AGBL1: variants seen among roughly 807,000 people sequenced by gnomAD.
The protein encoded by AGBL1 is AGBL carboxypeptidase 1.
Under a neutral mutation model 118.9 loss-of-function variants are expected in AGBL1, and 130 were observed. The ratio of observed to expected loss-of-function variants is 1.09; its 90% CI spans 0.95 to 1.26. The LOEUF (loss-of-function observed/expected upper bound fraction) is 1.26, where lower values mean the gene tolerates loss of function less well. Ranked by LOEUF, AGBL1 falls within the 50% of genes most tolerant of loss-of-function variation. The probability of loss-of-function intolerance (pLI) is 0.00; values close to 1 mark genes in which losing one functional copy is unlikely to be tolerated. For synonymous variants in AGBL1, 555 were observed against 478.9 expected, an observed-to-expected ratio of 1.16 and a Z score of -2.08; for missense variants, 1,584 against 1,298.1, an observed-to-expected ratio of 1.22 and a Z score of -3.38.
chr15:86,155,733 TG>T (rs2037302126), intron 4 of AGBL1, among the ~76,000 whole-genome samples: 1 of 152,052 alleles, frequency 6.6e-6, no homozygotes, highest in African/African-American at 2.4e-5. Context: ...AGTTTGACTG[TG>T]GTTCTTTTTT....
At chr15:86,203,292 T>A (rs2077937142) in intron 5 of AGBL1, among the ~76,000 whole-genome samples, 1 of 152,174 alleles carries the variant, frequency 6.6e-6, no homozygotes, top group Non-Finnish European at 1.5e-5. Flanking sequence ...ATAGCAATTT[T>A]AAAATGTTAT....
chr15:86,843,448 C>A (rs1481351370), intron 22 of AGBL1, among the ~76,000 whole-genome samples: 1 of 151,872 alleles, frequency 6.6e-6, no homozygotes, highest in African/African-American at 2.4e-5. Context: ...TGGATTTTAA[C>A]ATAACCTTTG....
intron 23 of AGBL1, among the ~76,000 whole-genome samples, chr15:86,947,970 C>G (rs950491743): frequency 6.6e-6 from 1 of 152,116 alleles, no homozygotes; most frequent in Non-Finnish European, 1.5e-5. Flanking sequence ...TTCTCTACAT[C>G]ATCAAATAAT....
At chr15:86,789,326 A>G (rs2078458932) in intron 22 of AGBL1, among the ~76,000 whole-genome samples, 1 of 152,208 alleles carries the variant, frequency 6.6e-6, no homozygotes, top group South Asian at 2.1e-4. Flanking sequence ...TCGGATTATC[A>G]ATTGGAGTTA....
intron 22 of AGBL1, among the ~76,000 whole-genome samples, chr15:86,776,663 G>C (rs2078259323): frequency 6.8e-6 from 1 of 146,404 alleles, no homozygotes; most frequent in Non-Finnish European, 1.5e-5. Context: ...TTTTGCTGTT[G>C]TTTTGTTTTG....
intron 16 of AGBL1, among the ~76,000 whole-genome samples, chr15:86,280,690 G>T (rs2079338090): frequency 1.3e-5 from 2 of 152,188 alleles, no homozygotes; most frequent in African/African-American, 4.8e-5. Flanking sequence ...TTAAGGCTGT[G>T]ATAAGGACTT....
At chr15:86,321,542 G>T (rs1207887212) in intron 17 of AGBL1, among the ~76,000 whole-genome samples, 2 of 151,952 alleles carry the variant, frequency 1.3e-5, no homozygotes, top group African/African-American at 4.8e-5. Context: ...GCTGAGGCAG[G>T]TGGATCACCA....
intron 17 of AGBL1, among the ~76,000 whole-genome samples, chr15:86,387,111 G>C (rs539520400): frequency 6.6e-6 from 1 of 152,268 alleles, no homozygotes; most frequent in South Asian, 2.1e-4. Context: ...AGGGTCACAT[G>C]GTGAGTTGTA....
chr15:86,313,108 G>A (rs2079944740), intron 17 of AGBL1, among the ~76,000 whole-genome samples: 1 of 152,178 alleles, frequency 6.6e-6, no homozygotes, highest in Non-Finnish European at 1.5e-5. Context: ...GCAGATGGAA[G>A]CTTAATTTGA....
chr15:86,446,197 A>G (rs1454393611), intron 18 of AGBL1, among the ~76,000 whole-genome samples: 1 of 152,172 alleles, frequency 6.6e-6, no homozygotes, highest in East Asian at 1.9e-4. Context: ...TGTCCCTCAC[A>G]TCTCTCTTCC....
chr15:86,081,082 C>T (rs557260016), intron 1 of AGBL1, among the ~76,000 whole-genome samples: 11 of 152,260 alleles, frequency 7.2e-5, no homozygotes, highest in South Asian at 4.1e-4. Context: ...CTCACTCTGT[C>T]GCCCAGGCTG....
At chr15:86,269,798 C>A in intron 13 of AGBL1, 121 bp from the exon 14 acceptor site, 1 of 1,158,022 alleles carries the variant, frequency 8.6e-7, no homozygotes, top group Non-Finnish European at 1.2e-6. Flanking sequence ...AACTTACCAG[C>A]TGGCTGAGAT....
chr15:86,522,986 C>T (rs1355991516), intron 19 of AGBL1, 47 bp downstream of exon 19: 1 of 1,579,024 alleles, frequency 6.3e-7, no homozygotes, highest in Non-Finnish European at 8.7e-7. Context: ...CTTCCTTCTA[C>T]CTTCCAGGAA....
intron 18 of AGBL1, among the ~76,000 whole-genome samples, chr15:86,465,602 T>C (rs1468802370): frequency 6.6e-6 from 1 of 152,002 alleles, no homozygotes; most frequent in Non-Finnish European, 1.5e-5. Context: ...CAGTAGGAGG[T>C]CTCTAAACTG....
chr15:86,442,651 C>T (rs552948752), intron 18 of AGBL1, among the ~76,000 whole-genome samples: 3 of 152,214 alleles, frequency 2.0e-5, no homozygotes, highest in African/African-American at 7.2e-5. Context: ...TGGGAAAGAA[C>T]TAGATATAAT....
At chr15:86,202,601 T>C (rs1168737348) in intron 5 of AGBL1, among the ~76,000 whole-genome samples, 1 of 152,204 alleles carries the variant, frequency 6.6e-6, no homozygotes, top group Non-Finnish European at 1.5e-5. Flanking sequence ...TGACTAACAA[T>C]GCTTTGTCAA....
Position 86,674,362 on chromosome 15 carries a change from C to T in AGBL1, c.3084C>T (p.Cys1028=). ...TCCTGGAGCTCAAATCTGCCAGCTG[C>T]AGCCATCAGCTCCTGGCTCAAGCTG... ...LLILELKSAS[C]SHQLLAQAAT... Residue 1028 remains cysteine (C), a synonymous_variant, in exon 22 of 23, where the codon TGC becomes TGT. Coordinates refer to ENST00000614907, the MANE Select transcript of AGBL1 (RefSeq NM_001386094.1). The T allele has an allele frequency of 6.2e-7, 1 of 1,612,886 alleles. No individual in the cohort carries two copies. Among genetic ancestry groups the T allele is most frequent in the Non-Finnish European group, 8.5e-7 (1 of 1,179,438 alleles).
chr15:86,554,220 C>A (rs1306317619), intron 20 of AGBL1, 141 bp from the exon 21 acceptor site: 2 of 726,214 alleles, frequency 2.8e-6, no homozygotes, highest in African/African-American at 1.9e-5. Context: ...AAAGTGATAG[C>A]CATTTCTTAG....
chr15:86,604,826 G>A (rs1309983519), intron 21 of AGBL1, among the ~76,000 whole-genome samples: 1 of 52,388 alleles, frequency 1.9e-5, no homozygotes, highest in Non-Finnish European at 3.9e-5. Context: ...ATGGAGTTTT[G>A]CTCTTGTTGC....
Sources: gnomAD v4.1 joint callset for allele counts (sites outside exome capture counted in the v4.1 genomes callset) on GRCh38, gnomAD v4.1.1 for gene constraint, MANE v1.5 for transcripts, NCBI Gene and HGNC (gene_info 2026-07-23, HGNC 2026-07-21) for gene names.